AUTS2: variants seen among roughly 807,000 people sequenced by gnomAD.
AUTS2 encodes the protein autism susceptibility gene 2 protein.
A neutral mutation model predicts 112.4 loss-of-function variants in AUTS2; 17 were observed. That is an observed-to-expected ratio of 0.15 (90% CI 0.10 to 0.23). The LOEUF (loss-of-function observed/expected upper bound fraction) is 0.23, where lower values mean the gene tolerates loss of function less well. AUTS2 is among the 10% of genes least tolerant of loss of function. The probability of loss-of-function intolerance (pLI) is 1.00; values close to 1 mark genes in which losing one functional copy is unlikely to be tolerated. For synonymous variants in AUTS2, 751 were observed against 702.7 expected (o/e 1.07, Z -1.09); for missense variants, 1,510 against 1,701.6 (o/e 0.89, Z 1.98).
At chr7:70,173,290 G>C (rs774424130) in intron 4 of AUTS2, among the ~76,000 whole-genome samples, 20 of 151,858 alleles carry the variant, frequency 1.3e-4, no homozygotes, top group Non-Finnish European at 2.4e-4. Flanking sequence ...GAACCCGGGA[G>C]GCGGAGCTTG....
chr7:69,650,878 A>G (rs1353605786), intron 1 of AUTS2, among the ~76,000 whole-genome samples: 1 of 152,026 alleles, frequency 6.6e-6, no homozygotes, highest in Admixed American at 6.5e-5. Flanking sequence ...GGCTTACCTC[A>G]GTTTTTGCAC....
At chr7:69,807,856 A>G (rs1790374011) in intron 1 of AUTS2, among the ~76,000 whole-genome samples, 1 of 152,012 alleles carries the variant, frequency 6.6e-6, no homozygotes, top group African/African-American at 2.4e-5. Context: ...CAAGTCAGAC[A>G]CTGTCACTTC....
chr7:70,409,069 G>A (rs1794666337), intron 4 of AUTS2, among the ~76,000 whole-genome samples: 1 of 152,172 alleles, frequency 6.6e-6, no homozygotes, highest in South Asian at 2.1e-4. Context: ...ACAGTGGTAT[G>A]CATGCCCCTG....
chr7:69,664,628 G>A (rs1032037470), intron 1 of AUTS2, among the ~76,000 whole-genome samples: 3 of 152,110 alleles, frequency 2.0e-5, no homozygotes, highest in African/African-American at 7.2e-5. Context: ...AGTACCCTGT[G>A]TCTCATGCCA....
intron 1 of AUTS2, among the ~76,000 whole-genome samples, chr7:69,820,203 C>T (rs1790928832): frequency 6.6e-6 from 1 of 152,190 alleles, no homozygotes; most frequent in Non-Finnish European, 1.5e-5. Flanking sequence ...ATCACACTGG[C>T]ATGTGGGAAC....
intron 3 of AUTS2, among the ~76,000 whole-genome samples, chr7:70,122,167 T>C (rs780101713): frequency 1.3e-5 from 2 of 152,186 alleles, no homozygotes; most frequent in Non-Finnish European, 2.9e-5. Flanking sequence ...GAATAGAACT[T>C]ACCAGGAATT....
At chr7:70,304,847 T>G (rs945264299) in intron 4 of AUTS2, among the ~76,000 whole-genome samples, 2 of 150,672 alleles carry the variant, frequency 1.3e-5, no homozygotes, top group Non-Finnish European at 2.9e-5. Context: ...ACCCAAAGGC[T>G]CTATTTCAGT....
chr7:69,658,076 G>A (rs1795625476), intron 1 of AUTS2, among the ~76,000 whole-genome samples: 1 of 152,236 alleles, frequency 6.6e-6, no homozygotes, highest in South Asian at 2.1e-4. Context: ...TGAAAATTAT[G>A]TGGAATTTGA....
chr7:69,839,132 AC>A (rs1317449367), intron 1 of AUTS2, among the ~76,000 whole-genome samples: 1 of 151,916 alleles, frequency 6.6e-6, no homozygotes, highest in Non-Finnish European at 1.5e-5. Context: ...GAGTGTATGA[AC>A]CCCTTTGCCT....
intron 4 of AUTS2, among the ~76,000 whole-genome samples, chr7:70,252,160 C>T (rs1454518005): frequency 6.6e-6 from 1 of 152,178 alleles, no homozygotes; most frequent in Non-Finnish European, 1.5e-5. Flanking sequence ...AGTAAGACTA[C>T]TGGATGATAA....
At chr7:70,164,232 TTGTTA>T (rs1808264866) in intron 4 of AUTS2, among the ~76,000 whole-genome samples, 1 of 152,176 alleles carries the variant, frequency 6.6e-6, no homozygotes, top group Admixed American at 6.5e-5. Context: ...TAAGATGTAG[TTGTTA>T]TAAGTAGATG....
At chr7:70,382,097 C>A (rs901383929) in intron 4 of AUTS2, among the ~76,000 whole-genome samples, 2 of 152,184 alleles carry the variant, frequency 1.3e-5, no homozygotes, top group African/African-American at 4.8e-5. Context: ...ACTTCCCTTG[C>A]ATATCACGAC....
intron 4 of AUTS2, among the ~76,000 whole-genome samples, chr7:70,244,063 T>TTTTTATA (rs1422756644): frequency 1.3e-5 from 2 of 152,092 alleles, no homozygotes; most frequent in African/African-American, 4.8e-5. Context: ...TGTGAGTTAT[T>TTTTTATA]TTTTATATAT....
At chr7:70,781,593 T>C in intron 14 of AUTS2, 22 bp from the exon 15 acceptor site, 1 of 1,613,590 alleles carries the variant, frequency 6.2e-7, no homozygotes, top group Non-Finnish European at 8.5e-7. Context: ...TTGGGACCCT[T>C]ACTGTTCCCC....
intron 2 of AUTS2, among the ~76,000 whole-genome samples, chr7:69,945,478 A>G (rs1243224669): frequency 6.6e-6 from 1 of 152,212 alleles, no homozygotes; most frequent in Non-Finnish European, 1.5e-5. Flanking sequence ...TAATTGGCAA[A>G]AAAGTACATA....
intron 5 of AUTS2, among the ~76,000 whole-genome samples, chr7:70,645,173 C>G (rs1806080943): frequency 6.6e-6 from 1 of 152,164 alleles, no homozygotes; most frequent in African/African-American, 2.4e-5. Flanking sequence ...CTTTTATCTT[C>G]CATTCAAATG....
At chr7:70,231,861 C>T (rs1584909201) in intron 4 of AUTS2, among the ~76,000 whole-genome samples, 5 of 151,976 alleles carry the variant, frequency 3.3e-5, no homozygotes, top group Admixed American at 2.6e-4. Context: ...GCAACCTCCA[C>T]CTCCCAAGTT....
chr7:70,768,708 T>C (rs1585657248), intron 10 of AUTS2, among the ~76,000 whole-genome samples: 1 of 152,254 alleles, frequency 6.6e-6, no homozygotes, highest in East Asian at 1.9e-4. Context: ...TTTAAGAGTA[T>C]GTTCTGGAAC....
chr7:70,568,726 A>G (rs576481090), intron 5 of AUTS2, among the ~76,000 whole-genome samples: 39 of 152,288 alleles, frequency 2.6e-4, no homozygotes, highest in African/African-American at 9.4e-4. Flanking sequence ...CACCATCTCC[A>G]TGTCCACATC....
Sources: allele counts gnomAD v4.1 joint callset (sites outside exome capture counted in the v4.1 genomes callset), GRCh38; gene constraint gnomAD v4.1.1; transcripts MANE v1.5; gene names NCBI Gene and HGNC (gene_info 2026-07-23, HGNC 2026-07-21).